Variants in CXCL13 observed in about 807,000 individuals in gnomAD.
CXCL13 encodes C-X-C motif chemokine ligand 13, also known as C-X-C motif chemokine 13.
CXCL13 carries 7 observed loss-of-function variants against 12.2 expected under a neutral mutation model. The ratio of observed to expected loss-of-function variants is 0.57; its 90% CI spans 0.33 to 1.07. The LOEUF is 1.07. CXCL13 is among the 50% of genes least tolerant of loss of function. The pLI, the probability that CXCL13 is intolerant of heterozygous loss-of-function variation, is 0.04. For synonymous variants in CXCL13, 47 were observed against 42.4 expected, an observed-to-expected ratio of 1.11 and a Z score of -0.42; for missense variants, 113 against 127.4, an observed-to-expected ratio of 0.89 and a Z score of 0.55.
chr4:77,564,299 G>A lies in CXCL13; in HGVS notation c.-42-41525G>A, dbSNP rs12512183. ...CTGCAGAGAGAGTGGGAGGAAAGCC[G>A]TGGTATCAGGACGTTCTGTACTACT... On this transcript the variant is annotated intron_variant, in intron 1 of 4. Transcript: ENST00000286758. Among the ~76,000 whole-genome samples, 577 of 152,292 alleles carry A rather than the reference G, an allele frequency of 3.8e-3. 10 individuals carry two copies. The highest frequency in any genetic ancestry group is 0.036 in the East Asian group (186 of 5,174).
upstream of CXCL13, among the ~76,000 whole-genome samples, chr4:77,605,221 C>T (rs1311865937): frequency 6.6e-6 from 1 of 152,084 alleles, no homozygotes; most frequent in African/African-American, 2.4e-5. Context: ...TCCTACTGCC[C>T]CCTTCTAAGA....
At chr4:77,597,339 C>A (rs554728116) in intron 1 of CXCL13, among the ~76,000 whole-genome samples, 1 of 152,054 alleles carries the variant, frequency 6.6e-6, no homozygotes, top group Non-Finnish European at 1.5e-5. Flanking sequence ...GGAATGCATT[C>A]ATTTTGAATA....
At chr4:77,610,482 A>T in intron 2 of CXCL13, 132 bp from the exon 3 acceptor site, 1 of 686,872 alleles carries the variant, frequency 1.5e-6, no homozygotes, top group East Asian at 2.7e-5. Flanking sequence ...CCTATTCCAG[A>T]TCCCAAACTG....
intron 1 of CXCL13, among the ~76,000 whole-genome samples, chr4:77,541,439 G>C (rs1349817806): frequency 6.6e-6 from 1 of 152,112 alleles, no homozygotes; most frequent in African/African-American, 2.4e-5. Context: ...TGGCTAGCCA[G>C]CTATCCCAGC....
intron 1 of CXCL13, among the ~76,000 whole-genome samples, chr4:77,516,315 G>T (rs972336997): frequency 3.9e-5 from 6 of 152,132 alleles, no homozygotes; most frequent in Non-Finnish European, 7.3e-5. Context: ...GGATGATGCT[G>T]GCCTCATAAA....
intron 1 of CXCL13, among the ~76,000 whole-genome samples, chr4:77,579,034 C>T (rs947844764): frequency 1.3e-5 from 2 of 152,220 alleles, no homozygotes; most frequent in African/African-American, 4.8e-5. Flanking sequence ...CAAATGAGAA[C>T]TTGAGGCTGG....
chr4:77,535,089 C>T (rs1725027731), intron 1 of CXCL13, among the ~76,000 whole-genome samples: 1 of 152,208 alleles, frequency 6.6e-6, no homozygotes, highest in African/African-American at 2.4e-5. Context: ...AGTGTCCTCA[C>T]AATGTCCTCT....
intron 1 of CXCL13, among the ~76,000 whole-genome samples, chr4:77,589,095 T>A (rs910981758): frequency 6.6e-6 from 1 of 152,182 alleles, no homozygotes; most frequent in African/African-American, 2.4e-5. Flanking sequence ...TTGGGCAGAG[T>A]TGAGGAAATT....
chr4:77,580,304 C>A (rs374348705), intron 1 of CXCL13, among the ~76,000 whole-genome samples: 1 of 8,010 alleles, frequency 1.2e-4, no homozygotes, highest in Non-Finnish European at 2.9e-4. Flanking sequence ...GACAAGTTTT[C>A]TTTCTTTTTT....
intron 1 of CXCL13, among the ~76,000 whole-genome samples, chr4:77,542,668 A>G (rs1222183233): frequency 1.3e-5 from 2 of 152,162 alleles, no homozygotes; most frequent in African/African-American, 2.4e-5. Flanking sequence ...AATCACATTT[A>G]TTGATTTGCA....
intron 1 of CXCL13, among the ~76,000 whole-genome samples, chr4:77,534,481 A>G (rs1348182575): frequency 2.0e-5 from 3 of 152,258 alleles, no homozygotes; most frequent in Non-Finnish European, 4.4e-5. Flanking sequence ...TGAAATAAAC[A>G]ATTTAAACAT....
At chr4:77,560,918 A>C (rs1440875331) in intron 1 of CXCL13, among the ~76,000 whole-genome samples, 1 of 152,166 alleles carries the variant, frequency 6.6e-6, no homozygotes, top group Non-Finnish European at 1.5e-5. Flanking sequence ...ATGATGCTGA[A>C]ATCCTTATCT....
chr4:77,601,621 G>C (rs1277645969), upstream of CXCL13, among the ~76,000 whole-genome samples: 4 of 152,170 alleles, frequency 2.6e-5, no homozygotes, highest in Non-Finnish European at 5.9e-5. Flanking sequence ...TAAATGCTGT[G>C]ACATTTTAAT....
intron 1 of CXCL13, among the ~76,000 whole-genome samples, chr4:77,523,237 G>T (rs1211609991): frequency 6.6e-6 from 1 of 152,056 alleles, no homozygotes; most frequent in Non-Finnish European, 1.5e-5. Context: ...CTGTATTTCA[G>T]GAATTTGAAT....
chr4:77,554,463 A>G (rs1725613040), intron 1 of CXCL13, among the ~76,000 whole-genome samples: 1 of 152,142 alleles, frequency 6.6e-6, no homozygotes, highest in African/African-American at 2.4e-5. Flanking sequence ...ATGAAGCAAA[A>G]GCTGACAAAA....
At chr4:77,513,238 C>T (rs577610062) in intron 1 of CXCL13, among the ~76,000 whole-genome samples, 1 of 152,088 alleles carries the variant, frequency 6.6e-6, no homozygotes, top group South Asian at 2.1e-4. Context: ...GTGAACAGTG[C>T]CACAATAAAG....
At chr4:77,526,177 C>A (rs1156694168) in intron 1 of CXCL13, among the ~76,000 whole-genome samples, 3 of 151,860 alleles carry the variant, frequency 2.0e-5, no homozygotes, top group Non-Finnish European at 4.4e-5. Context: ...TGTTCCTAGG[C>A]AGCTTATTTT....
chr4:77,563,768 C>T (rs1174334236), intron 1 of CXCL13, among the ~76,000 whole-genome samples: 4 of 152,190 alleles, frequency 2.6e-5, no homozygotes, highest in Non-Finnish European at 5.9e-5. Context: ...TAGGAATTCT[C>T]CTCCTCATTG....
rs544288784 is a variant in CXCL13, at chr4:77,609,087, C to A, written c.197+1252C>A. On this transcript the variant is annotated intron_variant, in intron 2 of 3. Transcript: ENST00000682537. ...TCATGCCAGTCACAGGTGAAAATAC[C>A]GTGAGTCCAGATGATCAGAAATCTG... 1.1e-4 allele frequency among the ~76,000 whole-genome samples: 17 copies of A among 152,256 alleles called. No individual in the cohort carries two copies. The South Asian group carries it at 3.1e-3, about 28-fold the overall frequency.
Sources: gnomAD v4.1 joint callset for allele counts (sites outside exome capture counted in the v4.1 genomes callset) on GRCh38, gnomAD v4.1.1 for gene constraint, MANE v1.5 for transcripts, NCBI Gene and HGNC (gene_info 2026-07-23, HGNC 2026-07-21) for gene names.